The following SOX6 variants were observed in gnomAD, a reference collection of about 807,000 sequenced individuals.
SOX6 encodes the protein SRY-box transcription factor 6, also known as transcription factor SOX-6.
Under a neutral mutation model 97.8 loss-of-function variants are expected in SOX6, and 11 were observed. The ratio of observed to expected loss-of-function variants is 0.11; its 90% CI spans 0.07 to 0.19. The LOEUF is 0.19. Ranked by LOEUF, SOX6 falls within the 10% of genes least tolerant of loss-of-function variation. SOX6 has a pLI of 1.00. For synonymous variants in SOX6, 360 were observed against 371.4 expected (o/e 0.97, Z 0.35); for missense variants, 810 against 1,039.5 (o/e 0.78, Z 3.04).
At chr11:16,056,048 C>A in intron 9 of SOX6, 147 bp from the exon 10 acceptor site, 1 of 926,242 alleles carries the variant, frequency 1.1e-6, no homozygotes, top group Non-Finnish European at 1.6e-6. Flanking sequence ...TAAGAGAAGG[C>A]AAATAATAAA....
At chr11:16,733,997 A>G (rs1394594240) in intron 2 of SOX6, among the ~76,000 whole-genome samples, 1 of 150,276 alleles carries the variant, frequency 6.7e-6, no homozygotes, top group Admixed American at 6.6e-5. Context: ...ACTGCACTCT[A>G]GCCTGGGTGA....
intron 3 of SOX6, chr11:16,264,864 A>AAG (rs1554950841): frequency 2.0e-5 from 3 of 151,242 alleles, no homozygotes; most frequent in African/African-American, 4.9e-5. Context: ...AAAAAAAAAA[A>AAG]AAGAAGCTTA....
At chr11:16,680,348 C>T (rs1564867372) in intron 3 of SOX6, among the ~76,000 whole-genome samples, 1 of 152,162 alleles carries the variant, frequency 6.6e-6, no homozygotes, top group Non-Finnish European at 1.5e-5. Flanking sequence ...ATTTCATATC[C>T]AGCCAAACTA....
intron 4 of SOX6, among the ~76,000 whole-genome samples, chr11:16,205,334 A>G (rs937351495): frequency 5.9e-5 from 9 of 152,154 alleles, no homozygotes; most frequent in Non-Finnish European, 8.8e-5. Context: ...TTCAATGCCC[A>G]TCACTGATCA....
rs1169107312 is a variant in SOX6 at position 16,300,788 on chromosome 11, A to G, written c.445+17658T>C. Among the ~76,000 whole-genome samples the G allele has an allele frequency of 6.6e-6, 1 of 152,212 alleles. No homozygotes were observed. Among genetic ancestry groups the G allele is most frequent in the Non-Finnish European group, 1.5e-5 (1 of 68,036 alleles). On this transcript the variant is annotated intron_variant, in intron 3 of 15. Transcript: ENST00000683767. This position sits in a 1 kb window ranked among gnomAD's most constrained non-coding sequence, Gnocchi z 4.1. Reference sequence around the variant, plus strand: ...CACTTCTAGATCTACATGTCTAAGAAGAATACAGAGTTTTCTTTGGCCATT... The same window carrying G: ...CACTTCTAGATCTACATGTCTAAGAGGAATACAGAGTTTTCTTTGGCCATT...
At chr11:16,476,401 T>C (rs1210084478), upstream of SOX6, 1 of 152,378 alleles carries the variant, frequency 6.6e-6, no homozygotes, top group African/African-American at 2.4e-5. Flanking sequence ...GAAAATTTAA[T>C]AGAAAATGAA....
At chr11:16,153,812 T>TGAGG (rs1178435426) in intron 6 of SOX6, among the ~76,000 whole-genome samples, 2 of 152,068 alleles carry the variant, frequency 1.3e-5, no homozygotes, top group Non-Finnish European at 2.9e-5. Flanking sequence ...GATAAAATAC[T>TGAGG]GAGGAAAATC....
intron 1 of SOX6, among the ~76,000 whole-genome samples, chr11:16,384,045 G>A (rs1002802372): frequency 1.3e-5 from 2 of 151,916 alleles, no homozygotes; most frequent in African/African-American, 4.8e-5. Context: ...AGTGATAGAT[G>A]AGCCATTGAG....
chr11:16,616,436 A>C (rs2133985915), intron 3 of SOX6, among the ~76,000 whole-genome samples: 1 of 152,172 alleles, frequency 6.6e-6, no homozygotes, highest in Middle Eastern at 3.4e-3. Context: ...CTTCTTTGGA[A>C]TCCCATACTA....
chr11:16,572,120 T>C (rs1847945718), intron 4 of SOX6, among the ~76,000 whole-genome samples: 1 of 151,614 alleles, frequency 6.6e-6, no homozygotes, highest in Non-Finnish European at 1.5e-5. Context: ...TTGTTTAAAA[T>C]AAATGTGTCA....
intron 13 of SOX6, among the ~76,000 whole-genome samples, chr11:16,007,380 G>A: frequency 6.6e-6 from 1 of 152,090 alleles, no homozygotes; most frequent in East Asian, 1.9e-4. Flanking sequence ...CATCATATAT[G>A]TGGGCCATCA....
rs57062569 is a variant in SOX6 at position 15,979,042 on chromosome 11, C to CATATATATATATATATATATATAT, written c.2184-5931_2184-5930insATATATATATATATATATATATAT. 9.4e-4 allele frequency among the ~76,000 whole-genome samples: 101 copies of CATATATATATATATATATATATAT among 107,054 alleles called. 1 individual carries two copies. Among genetic ancestry groups the CATATATATATATATATATATATAT allele is most frequent in the African/African-American group, 2.0e-3 (54 of 27,434 alleles). 70.2% of individuals were successfully genotyped at this position (107,054 alleles called of 152,430 possible). The stretch of plus-strand genomic sequence containing the variant: ...AACTGCTTATTTTATATATATTTTA[C>CATATATATATATATATATATATAT]ATATATATATATATATATATATAAA... On this transcript the variant is annotated intron_variant, in intron 15 of 15. Coordinates refer to ENST00000683767, the MANE Select transcript of SOX6 (RefSeq NM_001367873.1).
chr11:16,099,816 C>A (rs943639362), intron 7 of SOX6, among the ~76,000 whole-genome samples: 2 of 151,350 alleles, frequency 1.3e-5, no homozygotes, highest in African/African-American at 4.8e-5. Flanking sequence ...AGCTTTCTTT[C>A]CACTGCTGAC....
At chr11:15,987,158 G>GC (rs1564894578) in intron 14 of SOX6, among the ~76,000 whole-genome samples, 3 of 152,088 alleles carry the variant, frequency 2.0e-5, no homozygotes, top group African/African-American at 7.2e-5. Flanking sequence ...GAGGGGATGT[G>GC]TTTTTTTACA....
intron 3 of SOX6, among the ~76,000 whole-genome samples, chr11:16,636,986 G>C (rs1024375166): frequency 6.6e-6 from 1 of 152,120 alleles, no homozygotes; most frequent in Non-Finnish European, 1.5e-5. Context: ...CCTGAGAACA[G>C]AATAATAGAC....
At chr11:15,980,626 T>C (rs945261978) in intron 15 of SOX6, among the ~76,000 whole-genome samples, 1 of 151,484 alleles carries the variant, frequency 6.6e-6, no homozygotes, top group African/African-American at 2.4e-5. Flanking sequence ...AGGCTGCTTC[T>C]TTTTTTTACT....
At chr11:16,030,066 C>T (rs547643338) in intron 12 of SOX6, among the ~76,000 whole-genome samples, 3 of 152,226 alleles carry the variant, frequency 2.0e-5, no homozygotes, top group Non-Finnish European at 4.4e-5. Context: ...CCAAACTTCT[C>T]GACTGCTTCG....
At chr11:16,093,164 A>T (rs1001970522) in intron 9 of SOX6, among the ~76,000 whole-genome samples, 1 of 151,948 alleles carries the variant, frequency 6.6e-6, no homozygotes, top group Non-Finnish European at 1.5e-5. Flanking sequence ...ACAGTTTCTG[A>T]TTGTTCCCAG....
Position 16,694,252 on chromosome 11 carries a change from G to T in SOX6, n.429+20578C>A, listed in dbSNP as rs983815527. ...AAAAGTAAGGTACTTCTGGAGCCAGGCATGGTAGCTCACATCTGTAGTCCC... is the reference window on the plus strand; with the variant it reads ...AAAAGTAAGGTACTTCTGGAGCCAGTCATGGTAGCTCACATCTGTAGTCCC... On this transcript the variant is annotated intron_variant and non_coding_transcript_variant, in intron 3 of 5. Transcript: ENST00000524520. Among the ~76,000 whole-genome samples, 2 of 152,272 alleles carry T rather than the reference G, an allele frequency of 1.3e-5. 1 individual carries two copies. Among genetic ancestry groups the T allele is most frequent in the South Asian group, 4.1e-4 (2 of 4,826 alleles).
Sources: gnomAD v4.1 joint callset for allele counts (sites outside exome capture counted in the v4.1 genomes callset) on GRCh38, gnomAD v4.1.1 for gene constraint, Gnocchi (gnomAD v3.1) non-coding constraint, MANE v1.5 for transcripts, NCBI Gene and HGNC (gene_info 2026-07-23, HGNC 2026-07-21) for gene names.